ASAH2B: variants seen among roughly 807,000 people sequenced by gnomAD.
The protein encoded by ASAH2B is putative inactive neutral ceramidase B.
ASAH2B carries 1 observed loss-of-function variant against 2.9 expected under a neutral mutation model. The observed-to-expected ratio is 0.34, with a 90% confidence interval of 0.12 to 1.63. ASAH2B has a LOEUF of 1.63. ASAH2B is among the 40% of genes most tolerant of loss of function. The probability of loss-of-function intolerance (pLI) is 0.36; values close to 1 mark genes in which losing one functional copy is unlikely to be tolerated. For synonymous variants in ASAH2B, 4 were observed against 13.3 expected (o/e 0.30, Z 1.52); for missense variants, 9 against 37.7 (o/e 0.24, Z 1.99).
At chr10:50,746,528 T>G (rs1296779018) in intron 3 of ASAH2B, among the ~76,000 whole-genome samples, 2 of 150,280 alleles carry the variant, frequency 1.3e-5, no homozygotes, top group East Asian at 1.9e-4. Flanking sequence ...GAAATGGTAT[T>G]GTGTATATAT....
Position 50,755,590 on chromosome 10 carries a change from T to C in ASAH2B, c.*850T>C, listed in dbSNP as rs1304358752. 5 of 145,306 alleles carry C rather than the reference T, an allele frequency of 3.4e-5. No individual in the cohort carries two copies. The highest frequency in any genetic ancestry group is 1.4e-4 in the African/African-American group (5 of 35,432). 9.0% of individuals were successfully genotyped at this position (145,306 alleles called of 1,614,324 possible). ...CACCCCAAACCAGAAAGTTTTGCCATTAGCGTAGATATTAAAAATATTACT... is the reference window on the plus strand; with the variant it reads ...CACCCCAAACCAGAAAGTTTTGCCACTAGCGTAGATATTAAAAATATTACT... On this transcript the variant is annotated 3_prime_UTR_variant, in exon 6 of 6. Coordinates refer to ENST00000647317, the MANE Select transcript of ASAH2B (RefSeq NM_001321958.2).
rs542974123 is a variant in ASAH2B at position 50,756,874 on chromosome 10, C to G, written c.*2134C>G. Reference sequence around the variant, plus strand: ...TTGATATAAAAACACAGATCCAATTCGTGTCTGTGGATGCTGCAAGGACTG... The same window carrying G: ...TTGATATAAAAACACAGATCCAATTGGTGTCTGTGGATGCTGCAAGGACTG... On this transcript the variant is annotated 3_prime_UTR_variant, in exon 6 of 6. Coordinates refer to ENST00000647317, the MANE Select transcript of ASAH2B (RefSeq NM_001321958.2). 2.0e-5 allele frequency: 3 copies of G among 151,676 alleles called. No individual in the cohort carries two copies. The highest frequency in any genetic ancestry group is 7.3e-5 in the African/African-American group (3 of 41,358). The allele number at this position is 151,676 out of a possible 1,614,324, so 9.4% of individuals were successfully genotyped here.
intron 1 of ASAH2B, 102 bp from the exon 2 acceptor site, chr10:50,742,813 T>A: frequency 2.6e-6 from 3 of 1,145,856 alleles, no homozygotes; most frequent in South Asian, 2.6e-5. Context: ...CAGTTTTGAA[T>A]AATGTGAGAT....
At chr10:50,747,615 T>A (rs983810709) in intron 3 of ASAH2B, among the ~76,000 whole-genome samples, 4 of 151,362 alleles carry the variant, frequency 2.6e-5, no homozygotes, top group Non-Finnish European at 5.9e-5. Context: ...ATTGCAAGTT[T>A]TTGTCAGAAA....
rs1232821455 is a variant in ASAH2B at position 50,757,454 on chromosome 10, G to A, written c.*2714G>A. Reference sequence around the variant, plus strand: ...TTGGGCAAAAAAATTTCCTAGGCAGGTAGCTAACTATGAAATTGTTTCCTG... The same window carrying A: ...TTGGGCAAAAAAATTTCCTAGGCAGATAGCTAACTATGAAATTGTTTCCTG... On this transcript the variant is annotated 3_prime_UTR_variant, in exon 6 of 6. Coordinates refer to ENST00000647317, the MANE Select transcript of ASAH2B (RefSeq NM_001321958.2). 6.6e-6 allele frequency: 1 copy of A among 150,678 alleles called. No homozygotes were observed. The highest frequency in any genetic ancestry group is 2.4e-5 in the African/African-American group (1 of 41,192). 9.3% of individuals were successfully genotyped at this position (150,678 alleles called of 1,614,324 possible). A position where few individuals can be genotyped will look rare whatever the true frequency, so the allele number is the denominator to read the frequency against.
chr10:50,754,889 G>T lies in ASAH2B; in HGVS notation c.*149G>T. ...GATAGTTTACTGCTAATGGGGTGGA[G>T]GGGTGTGTGTGTGTGTGTGTGTGTG... On this transcript the variant is annotated 3_prime_UTR_variant, in exon 6 of 6. Coordinates refer to ENST00000647317, the MANE Select transcript of ASAH2B (RefSeq NM_001321958.2). 1 of 183,052 alleles carries T rather than the reference G, an allele frequency of 5.5e-6. No individual in the cohort carries two copies. The highest frequency in any genetic ancestry group is 1.0e-5 in the Non-Finnish European group (1 of 96,540). The allele number at this position is 183,052 out of a possible 1,614,324, so 11.3% of individuals were successfully genotyped here. A position where few individuals can be genotyped will look rare whatever the true frequency, so the allele number is the denominator to read the frequency against.
intron 5 of ASAH2B, among the ~76,000 whole-genome samples, chr10:50,754,242 A>G (rs1490653142): frequency 2.7e-5 from 4 of 148,766 alleles, no homozygotes; most frequent in African/African-American, 7.5e-5. Flanking sequence ...GTGCTTTGCA[A>G]TTCTACAGCA....
At position 50,758,751 on chromosome 10, in the gene ASAH2B, T is replaced by A. The variant is rs1394355195; in HGVS notation, c.*4011T>A. The A allele has an allele frequency of 1.3e-5, 2 of 152,088 alleles. No individual in the cohort carries two copies. The highest frequency in any genetic ancestry group is 1.3e-4 in the Admixed American group (2 of 15,260). 9.4% of individuals were successfully genotyped at this position (152,088 alleles called of 1,614,324 possible). A position where few individuals can be genotyped will look rare whatever the true frequency, so the allele number is the denominator to read the frequency against. On this transcript the variant is annotated 3_prime_UTR_variant, in exon 6 of 6. Coordinates refer to ENST00000647317, the MANE Select transcript of ASAH2B (RefSeq NM_001321958.2). ...CAGAAATTATGCTAAATCCTAAGAA[T>A]GAAACAATAATGAAGGCAAAGCTAT...
At chr10:50,746,146 C>A (rs1283631459) in intron 3 of ASAH2B, among the ~76,000 whole-genome samples, 1 of 151,318 alleles carries the variant, frequency 6.6e-6, no homozygotes, top group Non-Finnish European at 1.5e-5. Context: ...AAATTTCAAC[C>A]CCCTAACCTC....
chr10:50,743,088 G>A, intron 2 of ASAH2B, 78 bp downstream of exon 2: 1 of 1,486,646 alleles, frequency 6.7e-7, no homozygotes, highest in Non-Finnish European at 9.4e-7. Context: ...GTCTGGGTAA[G>A]AGGGAAGTGA....
In ASAH2B at chr10:50,757,196, C is replaced by G. The variant is rs981948259; in HGVS notation, c.*2456C>G. On this transcript the variant is annotated 3_prime_UTR_variant, in exon 6 of 6. Coordinates refer to ENST00000647317, the MANE Select transcript of ASAH2B (RefSeq NM_001321958.2). ...AGAATTACACTCATAAAAGTATTGT[C>G]TAATGAAAGGTAATGTAGACAAACG... 1 of 151,052 alleles carries G rather than the reference C, an allele frequency of 6.6e-6. No individual in the cohort carries two copies. Among genetic ancestry groups the G allele is most frequent in the Non-Finnish European group, 1.5e-5 (1 of 67,580 alleles). 9.4% of individuals were successfully genotyped at this position (151,052 alleles called of 1,614,324 possible).
intron 3 of ASAH2B, among the ~76,000 whole-genome samples, chr10:50,746,115 T>C (rs1431859976): frequency 1.3e-5 from 2 of 151,526 alleles, no homozygotes; most frequent in Non-Finnish European, 2.9e-5. Context: ...AAATTTTATA[T>C]TCTTTGATCA....
intron 1 of ASAH2B, among the ~76,000 whole-genome samples, chr10:50,741,287 A>G (rs1411746035): frequency 2.6e-5 from 4 of 152,178 alleles, no homozygotes; most frequent in Non-Finnish European, 4.4e-5. Context: ...AAGTATTGCT[A>G]TTAATTACTT....
At chr10:50,754,317 AG>A (rs1837035832) in intron 5 of ASAH2B, among the ~76,000 whole-genome samples, 1 of 112,848 alleles carries the variant, frequency 8.9e-6, no homozygotes, top group Non-Finnish European at 1.8e-5. Context: ...GTAGGTAGAA[AG>A]GTAGAACAAG....
intron 3 of ASAH2B, among the ~76,000 whole-genome samples, chr10:50,748,815 G>A (rs948168024): frequency 4.0e-5 from 6 of 150,902 alleles, no homozygotes; most frequent in Non-Finnish European, 7.4e-5. Flanking sequence ...TTTGTCTGCT[G>A]CCACTCAAAT....
At position 50,754,720 on chromosome 10, in the gene ASAH2B, T is replaced by C. The variant is rs1564473091; in HGVS notation, c.463T>C (p.Phe155Leu). The C allele has an allele frequency of 3.3e-6, 1 of 299,922 alleles. No homozygotes were observed. The allele number at this position is 299,922 out of a possible 1,614,324, so 18.6% of individuals were successfully genotyped here. A position where few individuals can be genotyped will look rare whatever the true frequency, so the allele number is the denominator to read the frequency against. ...ILSFEGTSPA[F>L]EVVTI ...TTCATTTGAAGGCACTTCCCCGGCT[T>C]TTGAAGTTGTAACTATTTAGTGAAA... The change falls in exon 6 of 6, where the codon TTT becomes CTT. Residue 155 changes from phenylalanine (F) to leucine (L), a missense_variant. Transcript: ENST00000647317.
At position 50,759,024 on chromosome 10, in the gene ASAH2B, T is replaced by G. The variant is rs1363167189; in HGVS notation, c.*4284T>G. On this transcript the variant is annotated 3_prime_UTR_variant, in exon 6 of 6. Transcript: ENST00000647317. ...ATGTGTGTATTAGTTTGTGTTTGTGTTTGTGTACTGGGCAAATAGACTATT... is the reference window on the plus strand; with the variant it reads ...ATGTGTGTATTAGTTTGTGTTTGTGGTTGTGTACTGGGCAAATAGACTATT... The G allele has an allele frequency of 6.6e-6, 1 of 151,242 alleles. No homozygotes were observed. The highest frequency in any genetic ancestry group is 2.4e-5 in the African/African-American group (1 of 41,332). 9.4% of individuals were successfully genotyped at this position (151,242 alleles called of 1,614,324 possible).
rs1415349885 is a variant in ASAH2B at position 50,756,956 on chromosome 10, A to G, written c.*2216A>G. The G allele has an allele frequency of 6.6e-6, 1 of 151,762 alleles. No individual in the cohort carries two copies. Among genetic ancestry groups the G allele is most frequent in the Non-Finnish European group, 1.5e-5 (1 of 67,782 alleles). The allele number at this position is 151,762 out of a possible 1,614,324, so 9.4% of individuals were successfully genotyped here. The stretch of plus-strand genomic sequence containing the variant: ...TCCTGAAATTGGTGGAAAAAGTGGA[A>G]TATGGCAGATTGGGTAGGTAGGAGA... On this transcript the variant is annotated 3_prime_UTR_variant, in exon 6 of 6. Transcript: ENST00000647317.
intron 3 of ASAH2B, among the ~76,000 whole-genome samples, chr10:50,745,824 A>G (rs1458619965): frequency 6.7e-6 from 1 of 148,974 alleles, no homozygotes; most frequent in Non-Finnish European, 1.5e-5. Flanking sequence ...AGAATCTTCA[A>G]TAGAATGTTC....
Sources: allele counts gnomAD v4.1 joint callset (sites outside exome capture counted in the v4.1 genomes callset), GRCh38; gene constraint gnomAD v4.1.1; transcripts MANE v1.5; gene names NCBI Gene and HGNC (gene_info 2026-07-23, HGNC 2026-07-21).